The following HMX1 variants were observed in gnomAD, a reference collection of about 807,000 sequenced individuals.
HMX1 encodes homeobox protein HMX1.
A neutral mutation model predicts 8.9 loss-of-function variants in HMX1; 8 were observed. The observed-to-expected ratio is 0.90, with a 90% confidence interval of 0.53 to 1.63. HMX1 has a LOEUF of 1.63. HMX1 is among the 40% of genes most tolerant of loss of function. HMX1 has a pLI of 0.00. For synonymous variants in HMX1, 311 were observed against 283.4 expected, an observed-to-expected ratio of 1.10 and a Z score of -0.98; for missense variants, 621 against 558.5, an observed-to-expected ratio of 1.11 and a Z score of -1.13.
chr4:8,858,004 A>G (rs1290119009), intron 1 of HMX1, among the ~76,000 whole-genome samples: 1 of 151,906 alleles, frequency 6.6e-6, no homozygotes, highest in Non-Finnish European at 1.5e-5. Context: ...TTAACGAAAA[A>G]GAAGTTGAAG....
rs1211898873 is a variant in HMX1, at chr4:8,867,446, C to G, written c.*247G>C. ...CGCCGGGGGCTGCGCAGCCCAGAGT[C>G]TCTGCATGGCCCCCTGTTCGAGTGG... On this transcript the variant is annotated 3_prime_UTR_variant, in exon 2 of 2. Transcript: ENST00000400677. 5 of 1,116,128 alleles carry G rather than the reference C, an allele frequency of 4.5e-6. No individual in the cohort carries two copies. Among genetic ancestry groups the G allele is most frequent in the East Asian group, 4.9e-5 (1 of 20,472 alleles). The allele number at this position is 1,116,128 out of a possible 1,614,324, so 69.1% of individuals were successfully genotyped here.
At position 8,848,655 on chromosome 4, in the gene HMX1, C is replaced by T. The variant is rs1361134889; in HGVS notation, c.395-2331G>A. Among the ~76,000 whole-genome samples the T allele has an allele frequency of 6.6e-6, 1 of 152,146 alleles. No individual in the cohort carries two copies. Among genetic ancestry groups the T allele is most frequent in the Non-Finnish European group, 1.5e-5 (1 of 68,028 alleles). On this transcript the variant is annotated intron_variant, in intron 1 of 1. Coordinates refer to the HMX1 transcript ENST00000506970. This position sits in a 1 kb window ranked among gnomAD's most constrained non-coding sequence, Gnocchi z 4.1. ...CTGTAGACCAACCTAAACCAGGCTC[C>T]CCCATCCCCCTTTTTTCAGATATGC... is the stretch of plus-strand genomic sequence containing the variant.
Position 8,855,149 on chromosome 4 carries a change from C to T in HMX1, c.395-8825G>A, listed in dbSNP as rs183357822. On this transcript the variant is annotated intron_variant, in intron 1 of 1. Transcript: ENST00000506970. ...CCCCGTGGACTCCACGCAGATGAGC[C>T]CGTCAGGCTCCTGCTCCAGCCTCAT... is the stretch of plus-strand genomic sequence containing the variant. Among the ~76,000 whole-genome samples, 625 of 152,356 alleles carry T rather than the reference C, an allele frequency of 4.1e-3. 4 individuals carry two copies. The highest frequency in any genetic ancestry group is 6.8e-3 in the Middle Eastern group (2 of 294).
At chr4:8,865,741 GGCC>G (rs1481384786), downstream of HMX1, among the ~76,000 whole-genome samples, 1 of 152,094 alleles carries the variant, frequency 6.6e-6, no homozygotes, top group Admixed American at 6.5e-5. Context: ...TGCCCCTCAT[GGCC>G]GCCAACAGGG....
chr4:8,866,524 A>G (rs1275307652), downstream of HMX1, among the ~76,000 whole-genome samples: 2 of 152,224 alleles, frequency 1.3e-5, no homozygotes, highest in Non-Finnish European at 2.9e-5. Context: ...AGATCCCATC[A>G]TCACCGGCCG....
chr4:8,869,630 G>A (rs1490337094), intron 1 of HMX1, among the ~76,000 whole-genome samples: 1 of 152,230 alleles, frequency 6.6e-6, no homozygotes, highest in African/African-American at 2.4e-5. Context: ...AATCCCCATG[G>A]TGTGTGCCCT....
At chr4:8,866,294 G>A (rs1419506941), downstream of HMX1, among the ~76,000 whole-genome samples, 2 of 152,164 alleles carry the variant, frequency 1.3e-5, no homozygotes, top group South Asian at 2.1e-4. Context: ...CATCTCACCC[G>A]GGGAGCGTCT....
rs1722104460 is a variant in HMX1, at chr4:8,868,418, T to TC, written c.395-74dup. 8.6e-7 allele frequency: 1 copy of TC among 1,161,142 alleles called. No homozygotes were observed. The highest frequency in any genetic ancestry group is 1.6e-5 in the African/African-American group (1 of 61,998). The allele number at this position is 1,161,142 out of a possible 1,614,324, so 71.9% of individuals were successfully genotyped here. A position where few individuals can be genotyped will look rare whatever the true frequency, so the allele number is the denominator to read the frequency against. ...CAGACTCAATCACTGAGGCCAGCCG[T>TC]CCCCACCTTGAGGTCGCTCACAGCC... On this transcript the variant is annotated intron_variant, in intron 1 of 1. Coordinates refer to ENST00000400677, the MANE Select transcript of HMX1 (RefSeq NM_018942.3). The surrounding 1 kb of genome is among the most constrained non-coding windows in gnomAD (Gnocchi z 4.6).
chr4:8,864,816 C>T (rs1721944467), downstream of HMX1, among the ~76,000 whole-genome samples: 1 of 152,244 alleles, frequency 6.6e-6, no homozygotes, highest in Non-Finnish European at 1.5e-5. Context: ...ACGGTCCCCT[C>T]CTCCCACGCC....
rs560214461 is a variant in HMX1 at position 8,846,218 on chromosome 4, C to T, written c.501G>A (p.Ala167=). 6.2e-5 allele frequency: 95 copies of T among 1,520,212 alleles called. No individual in the cohort carries two copies. The East Asian group carries it at 1.6e-3, about 26-fold the overall frequency. The allele number at this position is 1,520,212 out of a possible 1,614,324, so 94.2% of individuals were successfully genotyped here. A position where few individuals can be genotyped will look rare whatever the true frequency, so the allele number is the denominator to read the frequency against. The change falls in exon 2 of 2, where the codon GCG becomes GCA. Residue 167 remains alanine, a synonymous_variant. Transcript: ENST00000506970. ...ACCATCCAGTCCCTGCGGCCTCCTCCGCCATCCAGAGGCTCCCACTGTCAC... is the reference window on the plus strand; with the variant it reads ...ACCATCCAGTCCCTGCGGCCTCCTCTGCCATCCAGAGGCTCCCACTGTCAC...
rs545902225 is a variant in HMX1 at position 8,868,518 on chromosome 4, G to T, written c.395-173C>A. Among the ~76,000 whole-genome samples the T allele has an allele frequency of 2.6e-5, 4 of 152,296 alleles. No individual in the cohort carries two copies. The highest frequency in any genetic ancestry group is 9.6e-5 in the African/African-American group (4 of 41,554). ...GGATGCACACATTGTCAGAACCGTG[G>T]GAGGCGGCCCAGAGACCAGGCAGCA... On this transcript the variant is annotated intron_variant, in intron 1 of 1. Transcript: ENST00000400677. This position sits in a 1 kb window ranked among gnomAD's most constrained non-coding sequence, Gnocchi z 4.6.
In HMX1 at chr4:8,867,470, G is replaced by A. The variant is rs1292865196; in HGVS notation, c.*223C>T. 4.4e-6 allele frequency: 5 copies of A among 1,148,582 alleles called. No homozygotes were observed. The highest frequency in any genetic ancestry group is 5.3e-6 in the Non-Finnish European group (5 of 935,524). 71.1% of individuals were successfully genotyped at this position (1,148,582 alleles called of 1,614,324 possible). ...TCTCTGCATGGCCCCCTGTTCGAGT[G>A]GGGATCCAGCCTGGCAAATGGGTGG... On this transcript the variant is annotated 3_prime_UTR_variant, in exon 2 of 2. Coordinates refer to ENST00000400677, the MANE Select transcript of HMX1 (RefSeq NM_018942.3).
intron 1 of HMX1, among the ~76,000 whole-genome samples, chr4:8,851,449 C>T (rs1320428556): frequency 3.9e-5 from 6 of 152,196 alleles, no homozygotes; most frequent in Admixed American, 2.0e-4. Context: ...GAAGCGAAGG[C>T]AGCCAGCACA....
intron 1 of HMX1, among the ~76,000 whole-genome samples, chr4:8,846,760 C>T (rs1429139749): frequency 6.6e-6 from 1 of 152,066 alleles, no homozygotes; most frequent in African/African-American, 2.4e-5. Context: ...GGCTTGTGAA[C>T]GCCCCTTTCA....
Position 8,871,732 on chromosome 4 carries a change from G to A in HMX1, c.-118C>T, listed in dbSNP as rs945658817. 9.7e-7 allele frequency: 1 copy of A among 1,031,510 alleles called. No individual in the cohort carries two copies. Among genetic ancestry groups the A allele is most frequent in the African/African-American group, 1.7e-5 (1 of 57,898 alleles). The allele number at this position is 1,031,510 out of a possible 1,614,324, so 63.9% of individuals were successfully genotyped here. A position where few individuals can be genotyped will look rare whatever the true frequency, so the allele number is the denominator to read the frequency against. ...TGGAGCTGCTACCCGGACCGCTGGC[G>A]TCGGGCCCCGCAGGGCAGGCGGCGG... On this transcript the variant is annotated 5_prime_UTR_variant, in exon 1 of 2. The change creates a new upstream start codon in the 5' untranslated region. Transcript: ENST00000400677. This position sits in a 1 kb window ranked among gnomAD's most constrained non-coding sequence, Gnocchi z 4.8.
In HMX1 at chr4:8,871,587, G is replaced by T; in HGVS notation, c.28C>A (p.Arg10Ser). 1 of 1,341,070 alleles carries T rather than the reference G, an allele frequency of 7.5e-7. No individual in the cohort carries two copies. The highest frequency in any genetic ancestry group is 9.6e-7 in the Non-Finnish European group (1 of 1,043,356). 83.1% of individuals were successfully genotyped at this position (1,341,070 alleles called of 1,614,324 possible). ...GAGGAGGCGCGGGCCGGCGTGGCGC[G>T]CCCGGGCTCCGTCAGCTCGTCAGGC... MPDELTEPG[R>S]ATPARASSFL... is the part of the protein sequence containing the mutation. Residue 10 changes from arginine to serine, a missense_variant, in exon 1 of 2, where the codon CGC (arginine) becomes AGC (serine). By Grantham distance (110) the Arg-to-Ser change is moderately radical. Transcript: ENST00000400677. This position sits in a 1 kb window ranked among gnomAD's most constrained non-coding sequence, Gnocchi z 4.8.
chr4:8,861,359 TTCCCGCGGCCTGTGCCGAGGA>T (rs1265200616), intron 1 of HMX1, among the ~76,000 whole-genome samples: 8 of 152,126 alleles, frequency 5.3e-5, no homozygotes, highest in African/African-American at 1.2e-4. Context: ...GAGGCCGCGC[TTCCCGCGGCCTGTGCCGAGGA>T]GCCTCTCCGC....
At chr4:8,846,161 G>A (rs1271964603) in exon 2 of HMX1, 1 of 1,118,666 alleles carries the variant, frequency 8.9e-7, no homozygotes, top group East Asian at 2.6e-5. Context: ...CGGGGGTCCA[G>A]GCTGACAAAG....
chr4:8,860,013 C>G (rs566837438), intron 1 of HMX1, among the ~76,000 whole-genome samples: 1 of 152,374 alleles, frequency 6.6e-6, no homozygotes, highest in South Asian at 2.1e-4. Context: ...CCCATTAGAA[C>G]CGGCAGAGCC....
Sources: allele counts gnomAD v4.1 joint callset (sites outside exome capture counted in the v4.1 genomes callset), GRCh38; gene constraint gnomAD v4.1.1; non-coding constraint Gnocchi (gnomAD v3.1); transcripts MANE v1.5; gene names NCBI Gene and HGNC (gene_info 2026-07-23, HGNC 2026-07-21).